FRMPD3: variants seen among roughly 807,000 people sequenced by gnomAD.
FRMPD3 encodes FERM and PDZ domain-containing protein 3.
In FRMPD3, 42 loss-of-function variants were observed where a neutral mutation model predicts 97.9. The observed-to-expected ratio is 0.43, with a 90% CI of 0.34 to 0.55. The LOEUF is 0.55. Ranked by LOEUF, FRMPD3 falls within the 20% of genes least tolerant of loss-of-function variation. FRMPD3 has a pLI of 0.03. For synonymous variants in FRMPD3, 577 were observed against 581.1 expected, an observed-to-expected ratio of 0.99 and a Z score of 0.10; for missense variants, 1,303 against 1,457.7, an observed-to-expected ratio of 0.89 and a Z score of 1.73.
intron 5 of FRMPD3, 33 bp from the exon 6 acceptor site, chrX:107,550,016 C>T (rs1328142864): frequency 8.4e-6 from 8 of 949,615 alleles, no homozygotes; most frequent in South Asian, 8.1e-5. Context: ...CTAAATGAGC[C>T]GGTCTCCTTG....
rs190840851 is a variant in FRMPD3, at chrX:107,546,554, C to T, written c.402+713C>T. Among the ~76,000 whole-genome samples the T allele has an allele frequency of 3.6e-4, 40 of 112,479 alleles. No individual in the cohort carries two copies. In the East Asian group the frequency reaches 7.3e-3, roughly 20 times the overall value. ...GGAGTCTTGGCCAGCCACAGTGTTT[C>T]TCACTGCTTTGGGAGGTTTACATGC... On this transcript the variant is annotated intron_variant, in intron 5 of 14. Coordinates refer to ENST00000683843, the MANE Select transcript of FRMPD3 (RefSeq NM_001388459.1).
chrX:107,556,524 C>T (rs893839974), intron 8 of FRMPD3, among the ~76,000 whole-genome samples: 1 of 111,294 alleles, frequency 9.0e-6, no homozygotes, highest in African/African-American at 3.3e-5. Flanking sequence ...CAATACCATA[C>T]GTTTTGACCT....
chrX:107,472,095 T>C (rs1302959960), intron 1 of FRMPD3, among the ~76,000 whole-genome samples: 1 of 112,542 alleles, frequency 8.9e-6, no homozygotes, highest in East Asian at 2.8e-4. Flanking sequence ...CGTAAATGTC[T>C]TCCTTTGAAA....
intron 13 of FRMPD3, among the ~76,000 whole-genome samples, chrX:107,578,517 C>T (rs960236158): frequency 8.9e-6 from 1 of 111,777 alleles, no homozygotes; most frequent in Non-Finnish European, 1.9e-5. Context: ...TTCTGAGATC[C>T]GCCTTCGGCC....
rs1415460353 is a variant in FRMPD3, at chrX:107,603,128, G to A, written c.5089G>A (p.Val1697Met). ...GCTGCTGGCCAAGGTAGAAGAGGTGGTGAGGAACTACACCTTCCTGCTGCG... is the reference window on the plus strand; with the variant it reads ...GCTGCTGGCCAAGGTAGAAGAGGTGATGAGGAACTACACCTTCCTGCTGCG... The part of the protein sequence containing the change: ...QELLAKVEEV[V>M]RNYTFLLRAA... Residue 1697 changes from valine (V) to methionine (M), a missense_variant, in exon 15 of 15, where the codon GTG (valine) becomes ATG (methionine). By Grantham distance (21) the Val-to-Met change is conservative. Around this residue, in one of 3 missense-constraint regions of FRMPD3, gnomAD observed 764 missense variants for 820.2 expected, o/e 0.93. Transcript: ENST00000683843. 8.4e-7 allele frequency: 1 copy of A among 1,196,538 alleles called. No homozygotes were observed. Among genetic ancestry groups the A allele is most frequent in the African/African-American group, 1.9e-5 (1 of 53,752 alleles).
chrX:107,511,736 C>G (rs1030864616), intron 1 of FRMPD3, among the ~76,000 whole-genome samples: 2 of 112,453 alleles, frequency 1.8e-5, no homozygotes, highest in South Asian at 3.7e-4. Context: ...CCCAGAAGCT[C>G]CTGCCCACAC....
intron 13 of FRMPD3, among the ~76,000 whole-genome samples, chrX:107,577,162 TAAAAAAA>T (rs1170985688): frequency 1.2e-4 from 4 of 32,069 alleles, no homozygotes; most frequent in East Asian, 1.2e-3. Flanking sequence ...CTGTCTCTAC[TAAAAAAA>T]AAAAAAAAAA....
intron 4 of FRMPD3, among the ~76,000 whole-genome samples, chrX:107,542,889 T>A (rs965275102): frequency 8.9e-6 from 1 of 111,876 alleles, no homozygotes; most frequent in African/African-American, 3.3e-5. Flanking sequence ...CCAAACCTGA[T>A]TCACTCCCTA....
chrX:107,554,339 T>C, intron 7 of FRMPD3, 46 bp from the exon 8 acceptor site: 2 of 1,178,589 alleles, frequency 1.7e-6, no homozygotes, highest in Non-Finnish European at 1.1e-6. Context: ...CCCCAGCCAT[T>C]GATTCCAGAT....
At chrX:107,560,584 T>C in intron 9 of FRMPD3, 143 bp from the exon 10 acceptor site, 1 of 879,534 alleles carries the variant, frequency 1.1e-6, no homozygotes, top group Non-Finnish European at 1.6e-6. Flanking sequence ...TAATGTTATT[T>C]TCCTATCCCT....
intron 1 of FRMPD3, among the ~76,000 whole-genome samples, chrX:107,488,830 T>A (rs762794687): frequency 2.5e-4 from 28 of 111,544 alleles, no homozygotes; most frequent in South Asian, 3.9e-4. Context: ...TTCTTTTTTT[T>A]AATTTTATTT....
At chrX:107,505,727 C>T (rs745341595) in intron 1 of FRMPD3, among the ~76,000 whole-genome samples, 23 of 112,650 alleles carry the variant, frequency 2.0e-4, no homozygotes, top group Non-Finnish European at 3.4e-4. Flanking sequence ...AGAAGGAAGG[C>T]ATAAGATATC....
chrX:107,550,166 G>A lies in FRMPD3; in HGVS notation c.510+10G>A, dbSNP rs6523965. On this transcript the variant is annotated intron_variant, in intron 6 of 14. Coordinates refer to ENST00000683843, the MANE Select transcript of FRMPD3 (RefSeq NM_001388459.1). ...TCGGACCACTGTTAAGGTACATACA[G>A]TCTCCTCCCCCTGGTCAGCATTGCC... 0.038 allele frequency: 41,868 copies of A among 1,099,942 alleles called. 5,283 individuals are homozygous for A. The African/African-American group carries it at 0.48, about 13-fold the overall frequency. The allele number at this position is 1,099,942 out of a possible 1,213,427, so 90.6% of individuals were successfully genotyped here.
chrX:107,602,895 C>G lies in FRMPD3; in HGVS notation c.4856C>G (p.Pro1619Arg), dbSNP rs754519576. The G allele has an allele frequency of 8.3e-7, 1 of 1,211,178 alleles. No homozygotes were observed. Among genetic ancestry groups the G allele is most frequent in the South Asian group, 1.8e-5 (1 of 56,996 alleles). ...VASPEARAPK[P>R]YVSQISEYKL... ...AGCCCCGAGGCCCGTGCCCCCAAGC[C>G]CTATGTGTCTCAGATCTCCGAGTAT... The change falls in exon 15 of 15, where the codon CCC becomes CGC. Residue 1619 changes from proline (P) to arginine (R), a missense_variant. Transcript: ENST00000683843.
At position 107,601,936 on chromosome X, in the gene FRMPD3, T is replaced by C; in HGVS notation, c.3897T>C (p.Cys1299=). 8.5e-7 allele frequency: 1 copy of C among 1,181,240 alleles called. No homozygotes were observed. Among genetic ancestry groups the C allele is most frequent in the South Asian group, 1.9e-5 (1 of 51,731 alleles). Residue 1299 remains cysteine (C), a synonymous_variant, in exon 15 of 15, where the codon TGT becomes TGC. Coordinates refer to ENST00000683843, the MANE Select transcript of FRMPD3 (RefSeq NM_001388459.1). ...TGTCCCGTGAGCAGAGGCGCAGCTG[T>C]GACTGCAAGCGCATCTGCCGGGGGG... ...PGMSREQRRS[C]DCKRICRGGR...
At position 107,550,042 on chromosome X, in the gene FRMPD3, T is replaced by C. The variant is rs746269838; in HGVS notation, c.403-7T>C. Reference sequence around the variant, plus strand: ...GGTCTCCTTGTCCTTTCCCTGCTTGTTCACAGAAAATGATGAAGAAGGAAG... The same window carrying C: ...GGTCTCCTTGTCCTTTCCCTGCTTGCTCACAGAAAATGATGAAGAAGGAAG... On this transcript the variant is annotated splice_polypyrimidine_tract_variant and splice_region_variant and intron_variant, in intron 5 of 14. Transcript: ENST00000683843. The C allele has an allele frequency of 8.7e-6, 10 of 1,151,915 alleles. No homozygotes were observed. The Admixed American group carries it at 2.2e-4, about 25-fold the overall frequency. 94.9% of individuals were successfully genotyped at this position (1,151,915 alleles called of 1,213,427 possible). A position where few individuals can be genotyped will look rare whatever the true frequency, so the allele number is the denominator to read the frequency against.
rs192506943 is a variant in FRMPD3, at chrX:107,525,433, G to T, written c.-7-1149G>T. Among the ~76,000 whole-genome samples, 20 of 112,621 alleles carry T rather than the reference G, an allele frequency of 1.8e-4. No homozygotes were observed. In the East Asian group the frequency reaches 2.2e-3, roughly 13 times the overall value. On this transcript the variant is annotated intron_variant, in intron 1 of 14. Transcript: ENST00000683843. ...ACTACACTCAGACCCCTTCTTGCCT[G>T]CAGTATGCCTCCCCTGGCCCTTGAT...
chrX:107,492,770 C>T (rs1357140173), intron 1 of FRMPD3, among the ~76,000 whole-genome samples: 3 of 111,986 alleles, frequency 2.7e-5, no homozygotes, highest in East Asian at 2.8e-4. Flanking sequence ...ATTTCTCAAA[C>T]GTTTTTGCCC....
At chrX:107,569,164 G>A (rs371947936) in intron 12 of FRMPD3, among the ~76,000 whole-genome samples, 10 of 109,150 alleles carry the variant, frequency 9.2e-5, no homozygotes, top group East Asian at 2.9e-4. Context: ...GCATCGTGGC[G>A]CACACCTGTA....
Sources: allele counts gnomAD v4.1 joint callset (sites outside exome capture counted in the v4.1 genomes callset), GRCh38; gene constraint gnomAD v4.1.1; regional missense constraint gnomAD v4.1.1; transcripts MANE v1.5; gene names NCBI Gene and HGNC (gene_info 2026-07-23, HGNC 2026-07-21).